Variants in SEM1 observed in about 807,000 individuals in gnomAD.
SEM1 encodes SEM1 26S proteasome subunit.
A neutral mutation model predicts 12.7 loss-of-function variants in SEM1; 3 were observed. That is an observed-to-expected ratio of 0.24 (90% confidence interval 0.11 to 0.61). The LOEUF (loss-of-function observed/expected upper bound fraction) is 0.61, where lower values mean the gene tolerates loss of function less well. Ranked by LOEUF, SEM1 falls within the 20% of genes least tolerant of loss-of-function variation. The pLI is 0.88. For synonymous variants in SEM1, 30 were observed against 27.8 expected, an observed-to-expected ratio of 1.08 and a Z score of -0.25; for missense variants, 59 against 81.3, an observed-to-expected ratio of 0.73 and a Z score of 1.06.
At chr7:96,579,659 T>C (rs1339518538) in intron 2 of SEM1, among the ~76,000 whole-genome samples, 1 of 152,234 alleles carries the variant, frequency 6.6e-6, no homozygotes, top group African/African-American at 2.4e-5. Flanking sequence ...TTCATAGTAA[T>C]GTGAACTCTT....
At chr7:96,576,204 A>T (rs1563068164) in intron 2 of SEM1, among the ~76,000 whole-genome samples, 1 of 152,170 alleles carries the variant, frequency 6.6e-6, no homozygotes, top group Non-Finnish European at 1.5e-5. Context: ...CCTTTCAACC[A>T]TCTGAGACAC....
rs1789507783 is a variant in SEM1 at position 96,678,260 on chromosome 7, G to C, written c.171-4401C>G. ...CTTGGGGACGGGTCACAATGGCTTT[G>C]AGGTTATTTCTTCATCTGTAAAATG... On this transcript the variant is annotated intron_variant, in intron 2 of 2. Transcript: ENST00000413065. Among the ~76,000 whole-genome samples, 5 of 152,114 alleles carry C rather than the reference G, an allele frequency of 3.3e-5. No homozygotes were observed. In the South Asian group the frequency reaches 1.0e-3, roughly 32 times the overall value.
In SEM1 at chr7:96,576,838, C is replaced by T. The variant is rs148287858; in HGVS notation, c.171-70140G>A. On this transcript the variant is annotated intron_variant and NMD_transcript_variant, in intron 2 of 3. Transcript: ENST00000466986. The stretch of plus-strand genomic sequence containing the variant: ...AACAATTAGAAATGATGGATACAGG[C>T]TGGGCGTGGTCACTTATGCCTGTAG... Among the ~76,000 whole-genome samples, 116 of 152,284 alleles carry T rather than the reference C, an allele frequency of 7.6e-4. 3 individuals are homozygous for T. In the East Asian group the frequency reaches 0.022, roughly 28 times the overall value.
chr7:96,615,310 T>C (rs1170698174), intron 2 of SEM1, among the ~76,000 whole-genome samples: 1 of 144,748 alleles, frequency 6.9e-6, no homozygotes, highest in Non-Finnish European at 1.5e-5. Flanking sequence ...TGGAGTGCAG[T>C]AGTGCCATCT....
At chr7:96,707,596 C>T (rs1790507016) in intron 1 of SEM1, among the ~76,000 whole-genome samples, 1 of 152,190 alleles carries the variant, frequency 6.6e-6, no homozygotes, top group South Asian at 2.1e-4. Flanking sequence ...ATAAACAAGT[C>T]TGTTGTGAGT....
At chr7:96,570,646 G>T (rs573527771) in intron 2 of SEM1, among the ~76,000 whole-genome samples, 1 of 151,710 alleles carries the variant, frequency 6.6e-6, no homozygotes, top group African/African-American at 2.4e-5. Context: ...ACAGTGCCGC[G>T]ATAAACGATA....
At chr7:96,654,214 T>C (rs1002733908) in intron 2 of SEM1, among the ~76,000 whole-genome samples, 3 of 152,202 alleles carry the variant, frequency 2.0e-5, no homozygotes, top group Non-Finnish European at 4.4e-5. Flanking sequence ...ACAGAAGACA[T>C]AGGTCTCCAC....
chr7:96,646,093 ACTT>A lies in SEM1; in HGVS notation c.171-23453_171-23451del, dbSNP rs1192140127. ...TGAGAGTACCTCTTTCCTAAGATGT[ACTT>A]CTCCATGGTCTGTACCAGGGGTCAG... On this transcript the variant is annotated intron_variant, in intron 2 of 2. Coordinates refer to the SEM1 transcript ENST00000417009. 2.0e-5 allele frequency among the ~76,000 whole-genome samples: 3 copies of A among 152,130 alleles called. No individual in the cohort carries two copies. The East Asian group carries it at 5.8e-4, about 29-fold the overall frequency.
intron 2 of SEM1, among the ~76,000 whole-genome samples, chr7:96,681,995 T>A (rs1268703216): frequency 3.9e-5 from 6 of 152,208 alleles, no homozygotes; most frequent in Admixed American, 3.3e-4. Flanking sequence ...ATTTTCACGA[T>A]ATTGATTCTT....
At chr7:96,486,155 T>C (rs749216423) in intron 2 of SEM1, 1 of 1,427,824 alleles carries the variant, frequency 7.0e-7, no homozygotes, top group South Asian at 1.3e-5. Context: ...AGAGTTAATT[T>C]TTTTTCTACC....
chr7:96,651,344 AAATTAGGAGAC>A (rs1173765321), intron 2 of SEM1, among the ~76,000 whole-genome samples: 1 of 152,194 alleles, frequency 6.6e-6, no homozygotes, highest in Non-Finnish European at 1.5e-5. Context: ...TACTTAAAAT[AAATTAGGAGAC>A]AATATGTGAG....
At chr7:96,486,450 C>T in intron 1 of SEM1, 3 of 1,520,400 alleles carry the variant, frequency 2.0e-6, no homozygotes, top group Non-Finnish European at 2.7e-6. Flanking sequence ...TATCCTAGAC[C>T]TTTCAGGCTG....
chr7:96,527,440 G>A (rs1037257283), intron 2 of SEM1, among the ~76,000 whole-genome samples: 8 of 152,100 alleles, frequency 5.3e-5, no homozygotes, highest in African/African-American at 9.7e-5. Flanking sequence ...TGCGGGTAGC[G>A]AGGGCCCAGG....
At chr7:96,632,771 T>TG (rs1233160044) in intron 2 of SEM1, among the ~76,000 whole-genome samples, 16 of 132,204 alleles carry the variant, frequency 1.2e-4, no homozygotes, top group African/African-American at 3.9e-4. Flanking sequence ...GTGGTTTTTT[T>TG]TTGTTGTTTT....
chr7:96,495,786 T>C (rs148341242), intron 1 of SEM1, among the ~76,000 whole-genome samples: 1 of 152,298 alleles, frequency 6.6e-6, no homozygotes, highest in Non-Finnish European at 1.5e-5. Flanking sequence ...GTGGCTGGTA[T>C]TGGTGAAATT....
intron 2 of SEM1, among the ~76,000 whole-genome samples, chr7:96,633,081 C>T (rs976762418): frequency 6.6e-6 from 1 of 151,926 alleles, no homozygotes; most frequent in Non-Finnish European, 1.5e-5. Flanking sequence ...AATAAAATTG[C>T]CTGGGACCCA....
chr7:96,687,242 T>A (rs1274031889), downstream of SEM1, among the ~76,000 whole-genome samples: 1 of 152,124 alleles, frequency 6.6e-6, no homozygotes, highest in South Asian at 2.1e-4. Context: ...TCCTCAGGGA[T>A]CTAGAACTAG....
intron 2 of SEM1, chr7:96,653,813 T>G (rs1809083680): frequency 6.6e-6 from 1 of 152,222 alleles, no homozygotes; most frequent in African/African-American, 2.4e-5. Flanking sequence ...ATCCTCCACC[T>G]AACAACACAG....
chr7:96,602,225 A>C (rs1807217500), intron 2 of SEM1, among the ~76,000 whole-genome samples: 1 of 152,246 alleles, frequency 6.6e-6, no homozygotes, highest in Non-Finnish European at 1.5e-5. Context: ...ATAACAGTTC[A>C]AAAGAATGAG....
Sources: gnomAD v4.1 joint callset for allele counts (sites outside exome capture counted in the v4.1 genomes callset) on GRCh38, gnomAD v4.1.1 for gene constraint, MANE v1.5 for transcripts, NCBI Gene and HGNC (gene_info 2026-07-23, HGNC 2026-07-21) for gene names.